Variants in CRHR2 observed in about 807,000 individuals in gnomAD.
CRHR2 encodes the protein corticotropin-releasing hormone receptor 2.
CRHR2 carries 53 observed loss-of-function variants against 57.9 expected under a neutral mutation model. That is an observed-to-expected ratio of 0.92 (90% CI 0.73 to 1.15). The LOEUF (loss-of-function observed/expected upper bound fraction) is 1.15. Ranked by LOEUF, CRHR2 falls within the 50% of genes most tolerant of loss-of-function variation. The probability of loss-of-function intolerance (pLI) is 0.00; values close to 1 mark genes in which losing one functional copy is unlikely to be tolerated. For missense variants in CRHR2, 532 were observed against 542.6 expected (o/e 0.98, Z 0.19); for synonymous variants, 213 against 220.9 (o/e 0.96, Z 0.32).
chr7:30,654,035 C>T (rs776034027), intron 11 of CRHR2, among the ~76,000 whole-genome samples: 25 of 152,080 alleles, frequency 1.6e-4, no homozygotes, highest in Admixed American at 3.3e-4. Flanking sequence ...TCCTGAAGAC[C>T]GTCCCCTCTG....
intron 2 of CRHR2, among the ~76,000 whole-genome samples, chr7:30,670,572 A>G (rs1382993671): frequency 6.6e-6 from 1 of 152,236 alleles, no homozygotes; most frequent in African/African-American, 2.4e-5. Flanking sequence ...GGTTACAGAC[A>G]CTGGGTATCA....
At chr7:30,679,768 C>T (rs1784638915) in intron 2 of CRHR2, among the ~76,000 whole-genome samples, 1 of 152,084 alleles carries the variant, frequency 6.6e-6, no homozygotes, top group Non-Finnish European at 1.5e-5. Context: ...GGAAGGATCC[C>T]AAGGAAAAGG....
Position 30,665,387 on chromosome 7 carries a change from TG to T in CRHR2, c.425+142del. The T allele has an allele frequency of 2.4e-6, 2 of 849,696 alleles. 1 individual carries two copies. Among genetic ancestry groups the T allele is most frequent in the South Asian group, 3.4e-5 (2 of 59,694 alleles). 52.6% of individuals were successfully genotyped at this position (849,696 alleles called of 1,614,324 possible). ...ACATGCCTGCTGGTGATTCATGCCC[TG>T]GCACCCCACCCAAACCCCACTTTCT... On this transcript the variant is annotated intron_variant, in intron 4 of 11. Coordinates refer to ENST00000471646, the MANE Select transcript of CRHR2 (RefSeq NM_001883.5). The surrounding 1 kb of genome is among the most constrained non-coding windows in gnomAD (Gnocchi z 4.5).
intron 1 of CRHR2, among the ~76,000 whole-genome samples, chr7:30,695,255 C>T (rs1489674409): frequency 6.6e-6 from 1 of 152,090 alleles, no homozygotes; most frequent in Admixed American, 6.5e-5. Flanking sequence ...ACTTTAGATA[C>T]TCAGTTCTAA....
At chr7:30,695,733 A>G (rs768884442) in intron 1 of CRHR2, among the ~76,000 whole-genome samples, 3 of 152,230 alleles carry the variant, frequency 2.0e-5, no homozygotes, top group Admixed American at 6.5e-5. Flanking sequence ...CCTAAAAATA[A>G]CTTGACATTA....
chr7:30,686,004 A>T (rs1249599140), upstream of CRHR2, among the ~76,000 whole-genome samples: 1 of 152,054 alleles, frequency 6.6e-6, no homozygotes, highest in African/African-American at 2.4e-5. Context: ...ACAACATGTC[A>T]TTCCTGGGAA....
chr7:30,682,337 G>A lies in CRHR2; in HGVS notation c.-57C>T. 4 of 1,477,652 alleles carry A rather than the reference G, an allele frequency of 2.7e-6. No homozygotes were observed. Among genetic ancestry groups the A allele is most frequent in the Non-Finnish European group, 3.6e-6 (4 of 1,116,998 alleles). The allele number at this position is 1,477,652 out of a possible 1,614,324, so 91.5% of individuals were successfully genotyped here. A position where few individuals can be genotyped will look rare whatever the true frequency, so the allele number is the denominator to read the frequency against. ...GGGAGTGCGCGCCCGGCGTGACTGC[G>A]AGGGAGTGGACGCGAGAGTGAGCGG... On this transcript the variant is annotated 5_prime_UTR_variant, in exon 1 of 12. Coordinates refer to ENST00000471646, the MANE Select transcript of CRHR2 (RefSeq NM_001883.5).
chr7:30,663,805 C>A (rs188937201), intron 5 of CRHR2, among the ~76,000 whole-genome samples: 5 of 152,364 alleles, frequency 3.3e-5, no homozygotes, highest in African/African-American at 1.2e-4. Flanking sequence ...AGAGCCAAGG[C>A]TGGGACATGG....
rs141315235 is a variant in CRHR2, at chr7:30,653,449, C to T, written c.*11G>A. ...AGGACAGGGGAGCTGTGCAGGTGGG[C>T]GACCGAGGGGTCACACAGCGGCCGT... On this transcript the variant is annotated 3_prime_UTR_variant, in exon 12 of 12. Coordinates refer to ENST00000471646, the MANE Select transcript of CRHR2 (RefSeq NM_001883.5). This position sits in a 1 kb window ranked among gnomAD's most constrained non-coding sequence, Gnocchi z 5.0. The T allele has an allele frequency of 1.1e-5, 18 of 1,611,340 alleles. No homozygotes were observed. In the African/African-American group the frequency reaches 1.2e-4, roughly 11 times the overall value.
chr7:30,681,501 G>T (rs770703118), intron 2 of CRHR2, among the ~76,000 whole-genome samples: 22 of 152,180 alleles, frequency 1.4e-4, no homozygotes, highest in Non-Finnish European at 2.9e-4. Flanking sequence ...CACTCTGGGG[G>T]ATTTGGGACT....
intron 2 of CRHR2, among the ~76,000 whole-genome samples, chr7:30,678,298 C>G (rs1784584878): frequency 6.6e-6 from 1 of 152,180 alleles, no homozygotes; most frequent in South Asian, 2.1e-4. Flanking sequence ...CCTCAGTTTC[C>G]CCATGTGTAA....
intron 1 of CRHR2, among the ~76,000 whole-genome samples, chr7:30,693,502 G>A (rs1784998500): frequency 6.6e-6 from 1 of 152,248 alleles, no homozygotes; most frequent in South Asian, 2.1e-4. Flanking sequence ...AGCTTGGCCT[G>A]TGTGCCTCTC....
chr7:30,684,642 T>C (rs1040252502), upstream of CRHR2, among the ~76,000 whole-genome samples: 3 of 152,212 alleles, frequency 2.0e-5, no homozygotes, highest in Non-Finnish European at 4.4e-5. Context: ...GAATGAGCAG[T>C]TGGGGTCTGA....
chr7:30,689,021 A>G, intron 2 of CRHR2: 1 of 684,264 alleles, frequency 1.5e-6, no homozygotes, highest in South Asian at 1.5e-5. Flanking sequence ...AGAATGGGGA[A>G]GGGCCTGCGT....
In CRHR2 at chr7:30,689,237, A is replaced by G. The variant is rs778493519; in HGVS notation, c.-213T>C. The G allele has an allele frequency of 1.1e-5, 17 of 1,550,306 alleles. No individual in the cohort carries two copies. The South Asian group carries it at 1.9e-4, about 17-fold the overall frequency. ...TGATGGTGTGGCAGTACTGCTCCAG[A>G]AGTGCCCACAGGGGCTGGTCTTTGG... On this transcript the variant is annotated 5_prime_UTR_variant, in exon 2 of 14. Coordinates refer to the CRHR2 transcript ENST00000341843.
chr7:30,655,227 CAG>C, intron 10 of CRHR2, 147 bp from the exon 11 acceptor site: 2 of 906,098 alleles, frequency 2.2e-6, no homozygotes, highest in Non-Finnish European at 3.4e-6. Flanking sequence ...GTCCTAGCCT[CAG>C]GGTGCAGATA....
Position 30,659,326 on chromosome 7 carries a change from C to A in CRHR2, c.831+1247G>T, listed in dbSNP as rs529860134. On this transcript the variant is annotated intron_variant, in intron 8 of 11. Coordinates refer to ENST00000471646, the MANE Select transcript of CRHR2 (RefSeq NM_001883.5). ...CTTTCTCTTGGCATTTCCTCACCAC[C>A]CTTCCAACATCTTTACAGTTGGGGC... Among the ~76,000 whole-genome samples, 235 of 152,320 alleles carry A rather than the reference C, an allele frequency of 1.5e-3. 3 individuals carry two copies. The highest frequency in any genetic ancestry group is 5.1e-3 in the African/African-American group (214 of 41,580).
At chr7:30,686,327 C>T, upstream of CRHR2, 2 of 1,458,250 alleles carry the variant, frequency 1.4e-6, no homozygotes, top group Non-Finnish European at 1.8e-6. Flanking sequence ...CTAACCCATC[C>T]CCAGCACCCA....
At chr7:30,684,829 A>G (rs1584133985), upstream of CRHR2, among the ~76,000 whole-genome samples, 3 of 152,218 alleles carry the variant, frequency 2.0e-5, no homozygotes, top group Admixed American at 2.0e-4. Context: ...CAAACAGGCA[A>G]ATGAGGAAGA....
Sources: gnomAD v4.1 joint callset for allele counts (sites outside exome capture counted in the v4.1 genomes callset) on GRCh38, gnomAD v4.1.1 for gene constraint, Gnocchi (gnomAD v3.1) non-coding constraint, MANE v1.5 for transcripts, NCBI Gene and HGNC (gene_info 2026-07-23, HGNC 2026-07-21) for gene names.